Variants in RAB8B observed in about 807,000 individuals in gnomAD.
RAB8B encodes the protein RAB8B, member RAS oncogene family.
A neutral mutation model predicts 32.0 loss-of-function variants in RAB8B; 11 were observed. The observed-to-expected ratio is 0.34, with a 90% CI of 0.22 to 0.57. The LOEUF is 0.57. Among genes scored for constraint, RAB8B ranks in the 20% least tolerant of loss-of-function variants. RAB8B has a pLI of 0.86. For synonymous variants in RAB8B, 103 were observed against 89.6 expected (o/e 1.15, Z -0.85); for missense variants, 190 against 258.5 (o/e 0.73, Z 1.82).
In RAB8B at chr15:63,259,633, A is replaced by G. The variant is rs532248858; in HGVS notation, c.421A>G (p.Ile141Val). 53 of 1,613,022 alleles carry G rather than the reference A, an allele frequency of 3.3e-5. No individual in the cohort carries two copies. The South Asian group carries it at 4.4e-4, about 13-fold the overall frequency. Reference sequence around the variant, plus strand: ...ATTTCTGTTTACTTTTCAGCTAGCAATTGACTATGGGATTAAATTCTTGGA... The same window carrying G: ...ATTTCTGTTTACTTTTCAGCTAGCAGTTGACTATGGGATTAAATTCTTGGA... ...VSKERGEKLA[I>V]DYGIKFLETS... The change falls in exon 6 of 8, where the codon ATT becomes GTT. Residue 141 changes from isoleucine (I) to valine (V), a missense_variant. Physicochemically the swap from Ile to Val is conservative, Grantham distance 29. Coordinates refer to ENST00000321437, the MANE Select transcript of RAB8B (RefSeq NM_016530.3). This position sits in a 1 kb window ranked among gnomAD's most constrained non-coding sequence, Gnocchi z 4.4.
rs561858114 is a variant in RAB8B, at chr15:63,245,479, CA to C, written c.185+664del. Among the ~76,000 whole-genome samples, 62 of 152,348 alleles carry C rather than the reference CA, an allele frequency of 4.1e-4. 1 individual carries two copies. The highest frequency in any genetic ancestry group is 7.2e-4 in the Admixed American group (11 of 15,312). On this transcript the variant is annotated intron_variant, in intron 2 of 7. Coordinates refer to ENST00000321437, the MANE Select transcript of RAB8B (RefSeq NM_016530.3). The stretch of plus-strand genomic sequence containing the variant: ...CCAGATGTCAGGGGGTTCCCCCCAC[CA>C]CCACCAGGTAATTCTCCAGCAGATG...
intron 1 of RAB8B, among the ~76,000 whole-genome samples, chr15:63,210,836 A>C (rs1182629730): frequency 6.6e-6 from 1 of 152,192 alleles, no homozygotes; most frequent in Non-Finnish European, 1.5e-5. Context: ...TATGCAAATA[A>C]AAGATGAGAA....
At chr15:63,200,168 A>T (rs1046280941) in intron 1 of RAB8B, among the ~76,000 whole-genome samples, 11 of 152,270 alleles carry the variant, frequency 7.2e-5, no homozygotes, top group African/African-American at 2.6e-4. Flanking sequence ...GTGTCTATAA[A>T]AGGGTTTGTC....
chr15:63,221,838 C>T (rs1206739735), intron 1 of RAB8B, among the ~76,000 whole-genome samples: 5 of 152,200 alleles, frequency 3.3e-5, no homozygotes, highest in Non-Finnish European at 7.4e-5. Flanking sequence ...CCATTTATTT[C>T]ACTTCTGTCT....
At chr15:63,237,422 G>A (rs947514575) in intron 1 of RAB8B, among the ~76,000 whole-genome samples, 2 of 152,140 alleles carry the variant, frequency 1.3e-5, no homozygotes, top group Non-Finnish European at 2.9e-5. Flanking sequence ...TTGGATAAAA[G>A]CCGTTTTAAA....
chr15:63,243,704 A>C (rs1296161053), intron 1 of RAB8B, among the ~76,000 whole-genome samples: 1 of 152,116 alleles, frequency 6.6e-6, no homozygotes, highest in Non-Finnish European at 1.5e-5. Flanking sequence ...GGAAGGGGGC[A>C]GGCCTAATCA....
At chr15:63,233,549 A>G (rs2037953242) in intron 1 of RAB8B, among the ~76,000 whole-genome samples, 1 of 152,268 alleles carries the variant, frequency 6.6e-6, no homozygotes, top group South Asian at 2.1e-4. Context: ...ATTAATCTAA[A>G]TTCAAACCAA....
At chr15:63,235,990 G>A (rs1373660711) in intron 1 of RAB8B, among the ~76,000 whole-genome samples, 2 of 152,126 alleles carry the variant, frequency 1.3e-5, no homozygotes, top group Non-Finnish European at 2.9e-5. Context: ...CCTTTGGGAA[G>A]GTCTGATCTT....
At position 63,189,703 on chromosome 15, in the gene RAB8B, C is replaced by T. The variant is rs1455115996; in HGVS notation, c.79C>T (p.Arg27Cys). 6.2e-7 allele frequency: 1 copy of T among 1,613,714 alleles called. No individual in the cohort carries two copies. The highest frequency in any genetic ancestry group is 1.1e-5 in the South Asian group (1 of 91,066). The change falls in exon 1 of 8, where the codon CGC (arginine) becomes TGC (cysteine). Residue 27 changes from arginine to cysteine, a missense_variant. Arg to Cys is a radical substitution (Grantham distance 180, BLOSUM62 -3). Transcript: ENST00000321437. ...GGTAGGCAAGACCTGCCTCCTGTTCCGCTTCTCAGAGGACGCCTTCAACAC... is the reference window on the plus strand; with the variant it reads ...GGTAGGCAAGACCTGCCTCCTGTTCTGCTTCTCAGAGGACGCCTTCAACAC... ...SGVGKTCLLFRFSEDAFNTTF... is the reference protein window; with the variant it reads ...SGVGKTCLLFCFSEDAFNTTF...
intron 7 of RAB8B, among the ~76,000 whole-genome samples, chr15:63,263,265 A>C (rs1320890799): frequency 6.6e-6 from 1 of 152,200 alleles, no homozygotes; most frequent in Non-Finnish European, 1.5e-5. Flanking sequence ...GGAACTAGAA[A>C]TAGAAGCTTC....
At chr15:63,221,487 G>A (rs1342795281) in intron 1 of RAB8B, among the ~76,000 whole-genome samples, 1 of 152,184 alleles carries the variant, frequency 6.6e-6, no homozygotes, top group Non-Finnish European at 1.5e-5. Flanking sequence ...CTTAGGGCTT[G>A]GCAACATCGC....
chr15:63,227,869 CTCTTT>C lies in RAB8B; in HGVS notation c.125-16875_125-16871del, dbSNP rs926950289. Among the ~76,000 whole-genome samples the C allele has an allele frequency of 9.2e-5, 14 of 152,292 alleles. No individual in the cohort carries two copies. In the South Asian group the frequency reaches 1.0e-3, roughly 11 times the overall value. On this transcript the variant is annotated intron_variant, in intron 1 of 7. Coordinates refer to ENST00000321437, the MANE Select transcript of RAB8B (RefSeq NM_016530.3). ...CAGCTTTTAAAATCCAGTGAGCACC[CTCTTT>C]TCTTTTCTTTTTTCTCTTTTCCTTT...
intron 1 of RAB8B, among the ~76,000 whole-genome samples, chr15:63,202,420 C>A (rs905641468): frequency 1.3e-5 from 2 of 152,230 alleles, no homozygotes; most frequent in African/African-American, 2.4e-5. Context: ...TCCCTCTTGG[C>A]CCCCAGAGGT....
At chr15:63,193,547 C>T (rs1350861342) in intron 1 of RAB8B, among the ~76,000 whole-genome samples, 1 of 152,184 alleles carries the variant, frequency 6.6e-6, no homozygotes, top group Admixed American at 6.5e-5. Flanking sequence ...CGCAGTGGCT[C>T]ATGCCTGTAA....
chr15:63,262,824 C>T lies in RAB8B; in HGVS notation c.531+82C>T, dbSNP rs758271005. On this transcript the variant is annotated intron_variant, in intron 7 of 7. Transcript: ENST00000321437. ...AAAGGATAGGTCTAATTATAAGATA[C>T]TCAAATTAAACTCATTTTTTTCCTG... 1.1e-5 allele frequency: 6 copies of T among 570,720 alleles called. No individual in the cohort carries two copies. In the African/African-American group the frequency reaches 1.2e-4, roughly 11 times the overall value. The allele number at this position is 570,720 out of a possible 1,614,324, so 35.4% of individuals were successfully genotyped here.
chr15:63,260,977 C>T (rs1012824263), intron 6 of RAB8B, among the ~76,000 whole-genome samples: 4 of 152,054 alleles, frequency 2.6e-5, no homozygotes, highest in African/African-American at 2.4e-5. Context: ...TTAGGTTGGC[C>T]GATGGGTGTT....
chr15:63,205,846 C>G (rs1219694455), intron 1 of RAB8B, among the ~76,000 whole-genome samples: 1 of 152,182 alleles, frequency 6.6e-6, no homozygotes. Context: ...GTTTTACTTT[C>G]TAATAAAGCA....
intron 3 of RAB8B, among the ~76,000 whole-genome samples, chr15:63,250,142 CA>C (rs1407225908): frequency 2.0e-5 from 3 of 150,414 alleles, no homozygotes; most frequent in Non-Finnish European, 3.0e-5. Context: ...GACTCCGTCT[CA>C]AAAAAAAAGG....
In RAB8B at chr15:63,193,646, TA is replaced by T. The variant is rs553981985; in HGVS notation, c.124+3904del. 2.3e-3 allele frequency among the ~76,000 whole-genome samples: 353 copies of T among 151,890 alleles called. 3 individuals are homozygous for T. The highest frequency in any genetic ancestry group is 8.3e-3 in the African/African-American group (343 of 41,412). On this transcript the variant is annotated intron_variant, in intron 1 of 7. Transcript: ENST00000321437. ...CTAATACGGTGAACCCCGTCTCTAC[TA>T]AAAAATACAAAAAATTAGCCGGGGG...
Sources: allele counts gnomAD v4.1 joint callset (sites outside exome capture counted in the v4.1 genomes callset), GRCh38; gene constraint gnomAD v4.1.1; non-coding constraint Gnocchi (gnomAD v3.1); transcripts MANE v1.5; gene names NCBI Gene and HGNC (gene_info 2026-07-23, HGNC 2026-07-21).